LOXHD1: variants seen among roughly 807,000 people sequenced by gnomAD.
The protein encoded by LOXHD1 is lipoxygenase homology domain-containing protein 1.
A neutral mutation model predicts 248.2 loss-of-function variants in LOXHD1; 205 were observed. The observed-to-expected ratio is 0.83, with a 90% CI of 0.74 to 0.93. The LOEUF is 0.93. Among genes scored for constraint, LOXHD1 ranks in the 40% least tolerant of loss-of-function variants. LOXHD1 has a pLI of 0.00. For missense variants in LOXHD1, 2,930 were observed against 2,971.6 expected, an observed-to-expected ratio of 0.99 and a Z score of 0.33; for synonymous variants, 1,113 against 1,162.8, an observed-to-expected ratio of 0.96 and a Z score of 0.87.
intron 25 of LOXHD1, among the ~76,000 whole-genome samples, 166 bp downstream of exon 25, chr18:46,541,610 C>A (rs1309330266): frequency 1.3e-5 from 2 of 152,150 alleles, no homozygotes; most frequent in Non-Finnish European, 1.5e-5. Flanking sequence ...CAGAACTCTG[C>A]CCACAGCCCC....
At chr18:46,649,295 T>C in intron 1 of LOXHD1, 26 bp from the exon 2 acceptor site, 3 of 1,535,232 alleles carry the variant, frequency 2.0e-6, no homozygotes, top group East Asian at 4.9e-5. Context: ...AGGAGACAGA[T>C]TGCAGGCTCA....
At chr18:46,490,360 G>T in intron 37 of LOXHD1, among the ~76,000 whole-genome samples, 1 of 152,216 alleles carries the variant, frequency 6.6e-6, no homozygotes, top group Non-Finnish European at 1.5e-5. Flanking sequence ...ATCATTCCAG[G>T]TTGAAAAAGT....
chr18:46,559,229 G>A, intron 20 of LOXHD1: 3 of 1,500,742 alleles, frequency 2.0e-6, no homozygotes, highest in Non-Finnish European at 1.8e-6. Context: ...GGGTCAGCTG[G>A]CCCATGGGCT....
intron 4 of LOXHD1, among the ~76,000 whole-genome samples, chr18:46,619,754 A>T (rs533051643): frequency 2.0e-5 from 3 of 152,340 alleles, no homozygotes; most frequent in Non-Finnish European, 4.4e-5. Context: ...ACAGCCCCTG[A>T]AAGTTGGCCT....
At chr18:46,533,602 A>T in intron 27 of LOXHD1, 1 of 408,748 alleles carries the variant, frequency 2.4e-6, no homozygotes, top group Non-Finnish European at 4.5e-6. Flanking sequence ...TCAGTGGGTA[A>T]GAGGAGGGGG....
At chr18:46,655,448 T>C (rs2039168054) in intron 1 of LOXHD1, among the ~76,000 whole-genome samples, 1 of 152,214 alleles carries the variant, frequency 6.6e-6, no homozygotes, top group Non-Finnish European at 1.5e-5. Context: ...TAGAATGATC[T>C]CACCAACAGT....
intron 4 of LOXHD1, among the ~76,000 whole-genome samples, chr18:46,633,090 T>C (rs2038847587): frequency 6.6e-6 from 1 of 152,246 alleles, no homozygotes; most frequent in South Asian, 2.1e-4. Flanking sequence ...ATATGGCCTA[T>C]GGTCACTGTT....
At chr18:46,580,589 C>G (rs983211294) in intron 12 of LOXHD1, among the ~76,000 whole-genome samples, 2 of 152,156 alleles carry the variant, frequency 1.3e-5, no homozygotes, top group African/African-American at 4.8e-5. Flanking sequence ...CTAGTAGGTG[C>G]CAGGCACCAT....
At chr18:46,544,013 T>A (rs550961038) in intron 23 of LOXHD1, among the ~76,000 whole-genome samples, 2 of 152,336 alleles carry the variant, frequency 1.3e-5, no homozygotes, top group East Asian at 3.9e-4. Context: ...AGTGTCAGTC[T>A]GAAACTGAGG....
rs199804946 is a variant in LOXHD1 at position 46,577,873 on chromosome 18, G to A, written c.1810-6C>T. The stretch of plus-strand genomic sequence containing the variant: ...TCGATAGTGAACTCGTCAGCCTTGT[G>A]GGGGGAAACCACAAGGCCAGTTAGA... On this transcript the variant is annotated splice_region_variant and splice_polypyrimidine_tract_variant and intron_variant, in intron 13 of 40. Coordinates refer to ENST00000642948, the MANE Select transcript of LOXHD1 (RefSeq NM_001384474.1). 1.9e-6 allele frequency: 3 copies of A among 1,551,270 alleles called. No individual in the cohort carries two copies. The highest frequency in any genetic ancestry group is 1.2e-5 in the South Asian group (1 of 84,036).
Position 46,610,897 on chromosome 18 carries a change from T to C in LOXHD1, c.638A>G (p.Asp213Gly), listed in dbSNP as rs999746078. The C allele has an allele frequency of 4.5e-6, 7 of 1,551,844 alleles. No homozygotes were observed. The highest frequency in any genetic ancestry group is 2.0e-5 in the Admixed American group (1 of 51,004). ...TGERRLENEK[D>G]NFEKGAEDRF... ...GTCTTCAGCTCCCTTTTCAAAGTTG[T>C]CCTTTTCATTTTCTAGCCTACGCTC... Residue 213 changes from aspartate (D) to glycine (G), a missense_variant, in exon 6 of 41, where the codon GAC (aspartate) becomes GGC (glycine). Transcript: ENST00000642948.
intron 16 of LOXHD1, among the ~76,000 whole-genome samples, chr18:46,568,370 G>T (rs538235150): frequency 1.3e-5 from 2 of 152,248 alleles, no homozygotes; most frequent in Non-Finnish European, 2.9e-5. Context: ...TCTCACCTTG[G>T]CCAAACTCTA....
rs560259277 is a variant in LOXHD1, at chr18:46,579,507, G to A, written c.1809+123C>T. ...TCCCCGCCCCCTTACCCAGAGTGAG[G>A]CTCCTGATGGCTGAGGCCCCAGGAC... On this transcript the variant is annotated intron_variant, in intron 13 of 40. Transcript: ENST00000642948. 208 of 1,306,170 alleles carry A rather than the reference G, an allele frequency of 1.6e-4. No individual in the cohort carries two copies. In the African/African-American group the frequency reaches 2.5e-3, roughly 16 times the overall value. 80.9% of individuals were successfully genotyped at this position (1,306,170 alleles called of 1,614,324 possible).
intron 6 of LOXHD1, among the ~76,000 whole-genome samples, chr18:46,609,172 G>C (rs1000975633): frequency 6.6e-6 from 1 of 152,190 alleles, no homozygotes; most frequent in Admixed American, 6.5e-5. Flanking sequence ...TAGAGATTCA[G>C]TAGCTATCAT....
At chr18:46,481,924 C>T (rs2032608362) in intron 40 of LOXHD1, among the ~76,000 whole-genome samples, 1 of 152,140 alleles carries the variant, frequency 6.6e-6, no homozygotes, top group Admixed American at 6.5e-5. Context: ...GTGAGGGTGA[C>T]TATTTTATTT....
In LOXHD1 at chr18:46,563,056, C is replaced by A. The variant is rs1005684521; in HGVS notation, c.2598+9G>T. On this transcript the variant is annotated intron_variant, in intron 18 of 40. Coordinates refer to ENST00000642948, the MANE Select transcript of LOXHD1 (RefSeq NM_001384474.1). ...GCTGTTGGCACCCCCGCTCCTCGAC[C>A]CCACATACCTGGAATGTGTCCTTGG... 6.5e-7 allele frequency: 1 copy of A among 1,531,622 alleles called. No individual in the cohort carries two copies. Among genetic ancestry groups the A allele is most frequent in the Non-Finnish European group, 8.8e-7 (1 of 1,130,522 alleles). 94.9% of individuals were successfully genotyped at this position (1,531,622 alleles called of 1,614,324 possible).
intron 27 of LOXHD1, chr18:46,533,694 C>G: frequency 3.1e-6 from 1 of 327,112 alleles, no homozygotes; most frequent in South Asian, 2.5e-5. Flanking sequence ...GAGGCCAAGG[C>G]GGGTGGATTA....
chr18:46,642,110 A>T (rs2038970435), intron 2 of LOXHD1, 74 bp from the exon 3 acceptor site: 6 of 1,323,840 alleles, frequency 4.5e-6, no homozygotes, highest in Non-Finnish European at 6.4e-6. Context: ...AAGGGCTGGC[A>T]TTCCGCTTCT....
chr18:46,527,941 G>T (rs572461628), intron 29 of LOXHD1, among the ~76,000 whole-genome samples: 1 of 152,274 alleles, frequency 6.6e-6, no homozygotes, highest in East Asian at 1.9e-4. Context: ...GGAGTGCTGG[G>T]GGGTCTGACT....
Sources: gnomAD v4.1 joint callset for allele counts (sites outside exome capture counted in the v4.1 genomes callset) on GRCh38, gnomAD v4.1.1 for gene constraint, MANE v1.5 for transcripts, NCBI Gene and HGNC (gene_info 2026-07-23, HGNC 2026-07-21) for gene names.